Variants in ERICH1 observed in about 807,000 individuals in gnomAD.
ERICH1 encodes the protein glutamate-rich protein 1.
Under a neutral mutation model 39.6 loss-of-function variants are expected in ERICH1, and 56 were observed. The observed-to-expected ratio is 1.41, with a 90% CI of 1.14 to 1.77. The LOEUF (loss-of-function observed/expected upper bound fraction) is 1.77, where lower values mean the gene tolerates loss of function less well. Among genes scored for constraint, ERICH1 ranks in the 40% most tolerant of loss-of-function variants. ERICH1 has a pLI of 0.00. For synonymous variants in ERICH1, 313 were observed against 223.6 expected, an observed-to-expected ratio of 1.40 and a Z score of -3.57; for missense variants, 826 against 575.4, an observed-to-expected ratio of 1.44 and a Z score of -4.45.
At chr8:638,884 C>T (rs1584993241) in intron 3 of ERICH1, among the ~76,000 whole-genome samples, 2 of 152,280 alleles carry the variant, frequency 1.3e-5, no homozygotes, top group South Asian at 2.1e-4. Flanking sequence ...TCAGTGGACG[C>T]TGCCTCCGTG....
At chr8:644,067 T>G (rs1799324783) in intron 3 of ERICH1, among the ~76,000 whole-genome samples, 1 of 152,188 alleles carries the variant, frequency 6.6e-6, no homozygotes. Flanking sequence ...ACATTTTAAG[T>G]AGAGACACAA....
intron 2 of ERICH1, among the ~76,000 whole-genome samples, chr8:699,764 C>A (rs1216079256): frequency 7.0e-6 from 1 of 142,426 alleles, no homozygotes; most frequent in Non-Finnish European, 1.5e-5. Context: ...CACACTCACA[C>A]AGCCGCACAG....
chr8:691,498 G>T (rs1047886947), intron 3 of ERICH1, among the ~76,000 whole-genome samples: 3 of 152,216 alleles, frequency 2.0e-5, no homozygotes, highest in Non-Finnish European at 4.4e-5. Flanking sequence ...CAGGAAGGGC[G>T]TGAGTGAGGG....
chr8:716,101 C>T (rs1300283514), intron 1 of ERICH1, 94 bp from the exon 2 acceptor site: 2 of 1,441,310 alleles, frequency 1.4e-6, no homozygotes, highest in African/African-American at 1.4e-5. Context: ...CACAAACACA[C>T]ACATCCTGAA....
At chr8:717,967 GAA>G in intron 1 of ERICH1, among the ~76,000 whole-genome samples, 1 of 152,236 alleles carries the variant, frequency 6.6e-6, no homozygotes, top group East Asian at 1.9e-4. Context: ...AGAGTTTTCT[GAA>G]ACAAGGCAGC....
chr8:674,620 T>C (rs932549614), intron 3 of ERICH1, among the ~76,000 whole-genome samples: 11 of 152,254 alleles, frequency 7.2e-5, no homozygotes, highest in Admixed American at 2.6e-4. Context: ...TGCATTTTTA[T>C]AGTAAAATTT....
At chr8:724,236 G>A (rs1305920725) in intron 1 of ERICH1, among the ~76,000 whole-genome samples, 2 of 152,156 alleles carry the variant, frequency 1.3e-5, no homozygotes, top group East Asian at 3.8e-4. Flanking sequence ...GCACCTGCAG[G>A]CCAGCTGCTC....
In ERICH1 at chr8:639,003, G is replaced by A. The variant is rs371252199; in HGVS notation, c.977-23719C>T. Among the ~76,000 whole-genome samples the A allele has an allele frequency of 1.1e-4, 16 of 151,860 alleles. No homozygotes were observed. The East Asian group carries it at 3.1e-3, about 30-fold the overall frequency. ...AACTGCCCCCCTACCAGTCACCACCGCCCCACCTGCCCACAACACTGCAAC... is the reference window on the plus strand; with the variant it reads ...AACTGCCCCCCTACCAGTCACCACCACCCCACCTGCCCACAACACTGCAAC... On this transcript the variant is annotated intron_variant, in intron 3 of 3. Transcript: ENST00000522706.
Position 711,802 on chromosome 8 carries a change from C to A in ERICH1, c.169+4059G>T, listed in dbSNP as rs963221351. On this transcript the variant is annotated intron_variant, in intron 2 of 5. Transcript: ENST00000262109. ...GTGATCCACCGCGCCCAGTCCAGAT[C>A]CATTTTTAGTAAGATTTTTTTGTGA... 7.2e-5 allele frequency among the ~76,000 whole-genome samples: 11 copies of A among 152,094 alleles called. 1 individual carries two copies. The highest frequency in any genetic ancestry group is 2.2e-4 in the African/African-American group (9 of 41,420).
intron 2 of ERICH1, among the ~76,000 whole-genome samples, chr8:703,505 C>T (rs1346331106): frequency 2.0e-5 from 3 of 152,160 alleles, no homozygotes; most frequent in Non-Finnish European, 2.9e-5. Context: ...CTCCCCACCA[C>T]CCGTGGGAGA....
At chr8:633,752 T>C (rs1485139979) in intron 3 of ERICH1, among the ~76,000 whole-genome samples, 1 of 152,228 alleles carries the variant, frequency 6.6e-6, no homozygotes, top group Non-Finnish European at 1.5e-5. Flanking sequence ...GAATGGGCTT[T>C]GGCACAGGTG....
downstream of ERICH1, among the ~76,000 whole-genome samples, chr8:660,225 G>A (rs1801216148): frequency 6.6e-6 from 1 of 152,216 alleles, no homozygotes; most frequent in Non-Finnish European, 1.5e-5. Context: ...TCCAGCATGT[G>A]CTCATGTTCA....
chr8:628,650 G>A (rs1797734333), intron 3 of ERICH1, among the ~76,000 whole-genome samples: 1 of 152,218 alleles, frequency 6.6e-6, no homozygotes, highest in Non-Finnish European at 1.5e-5. Flanking sequence ...GCCTCAGGAT[G>A]CGGGTTCGCA....
At chr8:688,374 G>A (rs1223486854) in intron 3 of ERICH1, among the ~76,000 whole-genome samples, 8 of 92,684 alleles carry the variant, frequency 8.6e-5, no homozygotes, top group Non-Finnish European at 1.8e-4. Context: ...CCCGCCCCCC[G>A]GTCCCTCCGC....
chr8:702,076 CAAAAAAAAAAAAAAA>C (rs60476920), intron 2 of ERICH1, among the ~76,000 whole-genome samples: 2 of 88,152 alleles, frequency 2.3e-5, no homozygotes, highest in Non-Finnish European at 4.2e-5. Context: ...GACTACATCT[CAAAAAAAAAAAAAAA>C]AAAAAAAAGG....
intron 3 of ERICH1, among the ~76,000 whole-genome samples, chr8:642,381 G>A (rs1248043030): frequency 1.8e-5 from 2 of 113,604 alleles, no homozygotes; most frequent in African/African-American, 7.0e-5. Context: ...GTCTCGCTCT[G>A]TCGCCCAGGC....
At chr8:730,370 A>G (rs978119641) in intron 1 of ERICH1, among the ~76,000 whole-genome samples, 3 of 152,224 alleles carry the variant, frequency 2.0e-5, no homozygotes, top group African/African-American at 7.2e-5. Context: ...TTTCAAAGGG[A>G]AAAACATGAT....
At chr8:702,925 C>T (rs374782063) in intron 2 of ERICH1, among the ~76,000 whole-genome samples, 40 of 152,336 alleles carry the variant, frequency 2.6e-4, no homozygotes, top group African/African-American at 6.5e-4. Flanking sequence ...ACAGGTACCC[C>T]GCACGCCTGG....
chr8:669,100 C>T (rs1802768633), intron 4 of ERICH1: 3 of 297,440 alleles, frequency 1.0e-5, no homozygotes, highest in Non-Finnish European at 1.2e-5. Flanking sequence ...TGGTGAGACG[C>T]CTCCCCTGGC....
Sources: gnomAD v4.1 joint callset for allele counts (sites outside exome capture counted in the v4.1 genomes callset) on GRCh38, gnomAD v4.1.1 for gene constraint, MANE v1.5 for transcripts, NCBI Gene and HGNC (gene_info 2026-07-23, HGNC 2026-07-21) for gene names.